Variants in ARHGAP15 observed in about 807,000 individuals in gnomAD.
ARHGAP15 encodes the protein rho GTPase-activating protein 15.
In ARHGAP15, 51 loss-of-function variants were observed where a neutral mutation model predicts 63.7. The observed-to-expected ratio is 0.80, with a 90% CI of 0.64 to 1.01. The LOEUF is 1.01. Among genes scored for constraint, ARHGAP15 ranks in the 50% least tolerant of loss-of-function variants. The pLI, the probability that ARHGAP15 is intolerant of heterozygous loss-of-function variation, is 0.00. For synonymous variants in ARHGAP15, 191 were observed against 193.8 expected, an observed-to-expected ratio of 0.99 and a Z score of 0.12; for missense variants, 560 against 564.6, an observed-to-expected ratio of 0.99 and a Z score of 0.08.
At chr2:143,402,120 T>C (rs1296200604) in intron 6 of ARHGAP15, among the ~76,000 whole-genome samples, 2 of 151,920 alleles carry the variant, frequency 1.3e-5, no homozygotes, top group East Asian at 3.9e-4. Context: ...AGATTTACTG[T>C]CACGATCACA....
chr2:143,425,163 G>C (rs1440197113), intron 6 of ARHGAP15, among the ~76,000 whole-genome samples: 2 of 152,106 alleles, frequency 1.3e-5, no homozygotes, highest in Non-Finnish European at 2.9e-5. Context: ...GGAGTAAGGA[G>C]TGTTAAGATA....
At chr2:143,405,270 GT>G (rs34886734) in intron 6 of ARHGAP15, among the ~76,000 whole-genome samples, 90,133 of 149,964 alleles carry the variant, frequency 0.6, 27,309 homozygotes, top group Admixed American at 0.72. Flanking sequence ...TAAGCCAGGT[GT>G]TTTTTTTTTC....
chr2:143,382,798 G>C (rs1444590244), intron 6 of ARHGAP15, among the ~76,000 whole-genome samples: 1 of 152,168 alleles, frequency 6.6e-6, no homozygotes, highest in East Asian at 1.9e-4. Flanking sequence ...TTTCTGTGCT[G>C]TTCACTTGCT....
chr2:143,156,333 G>A (rs1469349800), intron 2 of ARHGAP15, among the ~76,000 whole-genome samples: 1 of 151,816 alleles, frequency 6.6e-6, no homozygotes, highest in Non-Finnish European at 1.5e-5. Flanking sequence ...CTTCCATAAT[G>A]GTGGTAACTT....
chr2:143,768,169 C>A lies in ARHGAP15; in HGVS notation c.1425C>A (p.Asp475Glu). 3 of 1,612,828 alleles carry A rather than the reference C, an allele frequency of 1.9e-6. No homozygotes were observed. The highest frequency in any genetic ancestry group is 2.5e-6 in the Non-Finnish European group (3 of 1,179,152). The change falls in exon 14 of 14, where the codon GAC becomes GAA. Residue 475 changes from aspartate to glutamate, a missense_variant. Coordinates refer to ENST00000295095, the MANE Select transcript of ARHGAP15 (RefSeq NM_018460.4). Reference protein sequence around the residue: ...EYSKIFGSEED With the variant: ...EYSKIFGSEEE ...GTAAGATCTTCGGCTCAGAGGAAGA[C>A]TGACAGACAAGACAAGCTACTGAAT...
At chr2:143,245,396 G>A (rs1443392309) in intron 5 of ARHGAP15, among the ~76,000 whole-genome samples, 4 of 152,188 alleles carry the variant, frequency 2.6e-5, no homozygotes, top group African/African-American at 9.7e-5. Context: ...TGCAGATGGG[G>A]AACAAGGCAT....
intron 6 of ARHGAP15, among the ~76,000 whole-genome samples, chr2:143,412,080 G>C (rs1004697810): frequency 3.3e-5 from 5 of 152,170 alleles, no homozygotes; most frequent in African/African-American, 1.2e-4. Context: ...ATTTGAACCA[G>C]TAGTGTGTTT....
At chr2:143,353,951 T>C (rs942556983) in intron 6 of ARHGAP15, among the ~76,000 whole-genome samples, 14 of 152,148 alleles carry the variant, frequency 9.2e-5, no homozygotes, top group African/African-American at 3.1e-4. Context: ...TTTAAGGCTC[T>C]AGAATGATGT....
intron 2 of ARHGAP15, among the ~76,000 whole-genome samples, chr2:143,187,313 T>C (rs182174140): frequency 2.0e-5 from 3 of 152,308 alleles, no homozygotes; most frequent in East Asian, 1.9e-4. Flanking sequence ...CTTTGCCTTC[T>C]CCTTTAACCC....
At chr2:143,393,338 ATAT>A (rs752621377) in intron 6 of ARHGAP15, among the ~76,000 whole-genome samples, 22 of 152,328 alleles carry the variant, frequency 1.4e-4, no homozygotes, top group East Asian at 5.8e-4. Flanking sequence ...ATCATTATTA[ATAT>A]TATTAAGAAG....
Position 143,466,026 on chromosome 2 carries a change from T to G in ARHGAP15, c.704-21347T>G, listed in dbSNP as rs566075180. Among the ~76,000 whole-genome samples the G allele has an allele frequency of 2.1e-4, 32 of 152,260 alleles. No homozygotes were observed. The South Asian group carries it at 5.4e-3, about 26-fold the overall frequency. On this transcript the variant is annotated intron_variant, in intron 8 of 13. Coordinates refer to ENST00000295095, the MANE Select transcript of ARHGAP15 (RefSeq NM_018460.4). ...TGATGGTTTACAATGGAGACTGACT[T>G]CTTTCTTTATTTCCCTGCATTCCAA...
intron 1 of ARHGAP15, among the ~76,000 whole-genome samples, chr2:143,134,927 G>A (rs1020388331): frequency 6.6e-5 from 10 of 152,130 alleles, no homozygotes; most frequent in South Asian, 2.1e-4. Context: ...GTGAGAGCGC[G>A]CCCAGCCTAA....
chr2:143,568,422 A>G (rs1302274497), intron 11 of ARHGAP15, among the ~76,000 whole-genome samples: 1 of 152,268 alleles, frequency 6.6e-6, no homozygotes, highest in Non-Finnish European at 1.5e-5. Flanking sequence ...AATGCTCATC[A>G]TCACTGGTCA....
intron 8 of ARHGAP15, among the ~76,000 whole-genome samples, chr2:143,470,800 A>G (rs1257994177): frequency 2.4e-5 from 2 of 83,538 alleles, no homozygotes; most frequent in Non-Finnish European, 5.6e-5. Context: ...AGGTTGGCAT[A>G]TATATATATA....
chr2:143,183,391 T>C (rs563767204), intron 2 of ARHGAP15, among the ~76,000 whole-genome samples: 7 of 152,296 alleles, frequency 4.6e-5, no homozygotes, highest in African/African-American at 1.7e-4. Context: ...TTATAGAGAC[T>C]TAAGGTGTCT....
intron 12 of ARHGAP15, chr2:143,656,135 AGAT>A (rs1681421819): frequency 6.6e-6 from 1 of 152,208 alleles, no homozygotes; most frequent in African/African-American, 2.4e-5. Context: ...CTTGCATACA[AGAT>A]GATGTTTTTA....
chr2:143,414,121 T>G (rs1002487156), intron 6 of ARHGAP15, among the ~76,000 whole-genome samples: 18 of 151,272 alleles, frequency 1.2e-4, no homozygotes, highest in African/African-American at 4.1e-4. Flanking sequence ...TATATGTATA[T>G]GTATACTTAT....
chr2:143,158,990 A>G (rs1690188250), intron 2 of ARHGAP15, among the ~76,000 whole-genome samples: 1 of 151,948 alleles, frequency 6.6e-6, no homozygotes, highest in African/African-American at 2.4e-5. Context: ...CGAATCAGGA[A>G]ACTGCAGACA....
At chr2:143,294,024 C>T (rs1165650761) in intron 6 of ARHGAP15, among the ~76,000 whole-genome samples, 1 of 152,026 alleles carries the variant, frequency 6.6e-6, no homozygotes, top group Non-Finnish European at 1.5e-5. Context: ...AATTTCTTTA[C>T]TTAAAACTCT....
Sources: allele counts gnomAD v4.1 joint callset (sites outside exome capture counted in the v4.1 genomes callset), GRCh38; gene constraint gnomAD v4.1.1; transcripts MANE v1.5; gene names NCBI Gene and HGNC (gene_info 2026-07-23, HGNC 2026-07-21).